GSAP: variants seen among roughly 807,000 people sequenced by gnomAD.
The protein encoded by GSAP is gamma-secretase-activating protein.
GSAP carries 118 observed loss-of-function variants against 131.7 expected under a neutral mutation model. That is an observed-to-expected ratio of 0.90 (90% CI 0.77 to 1.04). The LOEUF is 1.04. GSAP is among the 50% of genes least tolerant of loss of function. The pLI is 0.00. For missense variants in GSAP, 1,019 were observed against 1,013.2 expected, an observed-to-expected ratio of 1.01 and a Z score of -0.08; for synonymous variants, 381 against 363.4, an observed-to-expected ratio of 1.05 and a Z score of -0.55.
chr7:77,356,441 C>T (rs937426105), intron 14 of GSAP, among the ~76,000 whole-genome samples: 1 of 152,104 alleles, frequency 6.6e-6, no homozygotes, highest in Non-Finnish European at 1.5e-5. Context: ...TTTTGTTGCC[C>T]ATGTTTGTCC....
At chr7:77,413,865 C>T (rs55656972) in intron 1 of GSAP, among the ~76,000 whole-genome samples, 84,280 of 141,180 alleles carry the variant, frequency 0.6, 23,959 homozygotes, top group Middle Eastern at 0.67. Context: ...TGGTTTTTTT[C>T]TTTCTTTTAT....
intron 5 of GSAP, among the ~76,000 whole-genome samples, chr7:77,388,155 G>T (rs1798860714): frequency 6.6e-6 from 1 of 152,244 alleles, no homozygotes. Flanking sequence ...ACACAGAAAA[G>T]ATCTCAAGGG....
rs553054006 is a variant in GSAP, at chr7:77,320,811, C to G, written c.2003G>C (p.Arg668Pro). ...LHSWVLHFNS[R>P]GSAAEFAVFH... Reference sequence around the variant, plus strand: ...AACTGCAAATTCAGCAGCACTGCCACGACTATTGCTGGGTAAAAAAAACAA... The same window carrying G: ...AACTGCAAATTCAGCAGCACTGCCAGGACTATTGCTGGGTAAAAAAAACAA... Residue 668 changes from arginine to proline, a missense_variant, in exon 26 of 31, where the codon CGT becomes CCT. Arg to Pro is a moderately radical substitution (Grantham distance 103). Transcript: ENST00000257626. 3 of 1,601,978 alleles carry G rather than the reference C, an allele frequency of 1.9e-6. No homozygotes were observed. The highest frequency in any genetic ancestry group is 2.7e-5 in the African/African-American group (2 of 74,800).
chr7:77,377,937 C>G lies in GSAP; in HGVS notation c.577-547G>C, dbSNP rs554681528. 1.5e-3 allele frequency among the ~76,000 whole-genome samples: 221 copies of G among 152,324 alleles called. 2 individuals carry two copies. Among genetic ancestry groups the G allele is most frequent in the African/African-American group, 5.1e-3 (211 of 41,582 alleles). On this transcript the variant is annotated intron_variant, in intron 8 of 30. Coordinates refer to ENST00000257626, the MANE Select transcript of GSAP (RefSeq NM_017439.4). ...TGATATTGCCCATCTCTCAGCAATA[C>G]TTAACTACTCATTCTTCAAGACCTG... is the stretch of plus-strand genomic sequence containing the variant.
Position 77,355,630 on chromosome 7 carries a change from A to T in GSAP, c.1045T>A (p.Tyr349Asn). ...FLNLDYYVAVYLPGHFFHLLN... is the reference protein window; with the variant it reads ...FLNLDYYVAVNLPGHFFHLLN... ...AGGTGGAAGAAATGACCAGGTAAGT[A>T]AACAGCCACATAATAGTCTATAGAA... The change falls in exon 15 of 31, where the codon TAC becomes AAC. Residue 349 changes from tyrosine to asparagine, a missense_variant. Transcript: ENST00000257626. 1 of 1,583,270 alleles carries T rather than the reference A, an allele frequency of 6.3e-7. No homozygotes were observed. Among genetic ancestry groups the T allele is most frequent in the Non-Finnish European group, 8.7e-7 (1 of 1,151,788 alleles).
At chr7:77,329,225 G>C in intron 21 of GSAP, 108 bp downstream of exon 21, 1 of 567,724 alleles carries the variant, frequency 1.8e-6, no homozygotes, top group Non-Finnish European at 3.1e-6. Flanking sequence ...TTATTTTGCT[G>C]GGGATATGCA....
intron 2 of GSAP, 34 bp downstream of exon 2, chr7:77,405,995 C>T: frequency 1.3e-6 from 1 of 765,216 alleles, no homozygotes; most frequent in South Asian, 1.8e-5. Flanking sequence ...GTAAATTTTA[C>T]ATCTTACCAC....
At chr7:77,330,573 C>CTTTT (rs750457611) in intron 19 of GSAP, 75 of 761,964 alleles carry the variant, frequency 9.8e-5, no homozygotes, top group Admixed American at 5.5e-4. Flanking sequence ...TTTTCTGTCT[C>CTTTT]TTTTTTTTTT....
chr7:77,342,376 C>G (rs562605248), intron 19 of GSAP, among the ~76,000 whole-genome samples: 20 of 152,292 alleles, frequency 1.3e-4, no homozygotes, highest in Admixed American at 1.2e-3. Context: ...TAAAACTCCC[C>G]CAACTCTGGT....
chr7:77,312,860 G>A (rs1284074479), intron 28 of GSAP, among the ~76,000 whole-genome samples: 1 of 152,204 alleles, frequency 6.6e-6, no homozygotes, highest in African/African-American at 2.4e-5. Context: ...AGGTCAGGAA[G>A]TTTGCAGAGT....
At chr7:77,326,599 C>G (rs1788359093) in intron 22 of GSAP, 1 of 193,988 alleles carries the variant, frequency 5.2e-6, no homozygotes, top group Non-Finnish European at 1.1e-5. Context: ...TCTCTTAACC[C>G]TTCTGGGGTC....
chr7:77,321,365 C>G lies in GSAP; in HGVS notation c.1962G>C (p.Arg654Ser). 1 of 1,606,902 alleles carries G rather than the reference C, an allele frequency of 6.2e-7. No homozygotes were observed. Among genetic ancestry groups the G allele is most frequent in the Non-Finnish European group, 8.5e-7 (1 of 1,173,422 alleles). Residue 654 changes from arginine (R) to serine (S), a missense_variant, in exon 25 of 31, where the codon AGG becomes AGC. Arg to Ser is a moderately radical substitution (Grantham distance 110). Coordinates refer to ENST00000257626, the MANE Select transcript of GSAP (RefSeq NM_017439.4). ...LICHIVETNW[R>S]KHNLHSWVLH... ...GAACCCAGGAATGAAGATTATGTTT[C>G]CTCCAATTGGTTTCTACGATGTGGC...
intron 1 of GSAP, among the ~76,000 whole-genome samples, chr7:77,414,844 C>CCTTTT (rs1803991224): frequency 3.3e-5 from 2 of 59,858 alleles, no homozygotes; most frequent in African/African-American, 1.5e-4. Context: ...ATGTGGGCGA[C>CCTTTT]TTTTTTTTTT....
chr7:77,408,689 C>CAAAAA (rs749202124), intron 1 of GSAP, among the ~76,000 whole-genome samples: 995 of 65,900 alleles, frequency 0.015, 20 homozygotes, highest in African/African-American at 0.034. Context: ...ACTCTGCCTC[C>CAAAAA]AAAAAAAAAA....
chr7:77,360,714 C>T (rs1794408582), intron 14 of GSAP, 110 bp downstream of exon 14: 1 of 635,828 alleles, frequency 1.6e-6, no homozygotes, highest in Non-Finnish European at 2.9e-6. Flanking sequence ...ATTGTCATCA[C>T]AATCCGAGTC....
chr7:77,364,815 C>A (rs1031330360), intron 12 of GSAP, among the ~76,000 whole-genome samples: 3 of 152,178 alleles, frequency 2.0e-5, no homozygotes, highest in Non-Finnish European at 4.4e-5. Context: ...AAAGACACAG[C>A]AAGTTGAAAT....
At chr7:77,324,507 G>C (rs538353230) in intron 23 of GSAP, among the ~76,000 whole-genome samples, 1 of 152,244 alleles carries the variant, frequency 6.6e-6, no homozygotes, top group South Asian at 2.1e-4. Flanking sequence ...TATCACCCAT[G>C]CACACATCTT....
intron 1 of GSAP, among the ~76,000 whole-genome samples, chr7:77,406,470 T>C (rs1802286963): frequency 6.6e-6 from 1 of 152,236 alleles, no homozygotes; most frequent in Admixed American, 6.5e-5. Flanking sequence ...ATTTTGAGGA[T>C]ATATCATTAA....
Position 77,397,328 on chromosome 7 carries a change from A to T in GSAP, c.313+18T>A, listed in dbSNP as rs780007526. 22 of 1,493,550 alleles carry T rather than the reference A, an allele frequency of 1.5e-5. No homozygotes were observed. The East Asian group carries it at 4.5e-4, about 31-fold the overall frequency. 92.5% of individuals were successfully genotyped at this position (1,493,550 alleles called of 1,614,324 possible). On this transcript the variant is annotated intron_variant, in intron 4 of 30. Coordinates refer to ENST00000257626, the MANE Select transcript of GSAP (RefSeq NM_017439.4). The stretch of plus-strand genomic sequence containing the variant: ...TGTAGTTCAGTTCTTGACATGTAGC[A>T]ATAAGAGCTCAACTTACCAAGCAAA...
Sources: allele counts gnomAD v4.1 joint callset (sites outside exome capture counted in the v4.1 genomes callset), GRCh38; gene constraint gnomAD v4.1.1; transcripts MANE v1.5; gene names NCBI Gene and HGNC (gene_info 2026-07-23, HGNC 2026-07-21).